The following SLIT3 variants were observed in gnomAD, a reference collection of about 807,000 sequenced individuals.
SLIT3 encodes the protein slit guidance ligand 3, also known as slit homolog 3 protein.
A neutral mutation model predicts 184.0 loss-of-function variants in SLIT3; 68 were observed. The ratio of observed to expected loss-of-function variants is 0.37; its 90% CI spans 0.30 to 0.45. The LOEUF (loss-of-function observed/expected upper bound fraction) is 0.45, where lower values mean the gene tolerates loss of function less well. Ranked by LOEUF, SLIT3 falls within the 20% of genes least tolerant of loss-of-function variation. SLIT3 has a pLI of 1.00. For synonymous variants in SLIT3, 831 were observed against 828.6 expected (o/e 1.00, Z -0.05); for missense variants, 1,707 against 2,026.0 (o/e 0.84, Z 3.02).
chr5:168,703,677 G>C (rs1249530073), intron 26 of SLIT3, among the ~76,000 whole-genome samples: 1 of 152,008 alleles, frequency 6.6e-6, no homozygotes, highest in South Asian at 2.1e-4. Context: ...CTGGGGGCTG[G>C]GCGCAGTGCC....
intron 14 of SLIT3, among the ~76,000 whole-genome samples, chr5:168,762,958 T>A (rs111686624): frequency 3.3e-5 from 5 of 152,220 alleles, no homozygotes; most frequent in African/African-American, 1.2e-4. Flanking sequence ...CTTATGCTTT[T>A]GGGGGTCACA....
chr5:169,197,828 T>G (rs1763786855), intron 3 of SLIT3, among the ~76,000 whole-genome samples: 2 of 152,056 alleles, frequency 1.3e-5, no homozygotes, highest in African/African-American at 4.8e-5. Flanking sequence ...AAAAACCAAC[T>G]GGCTGCTGAG....
chr5:168,675,077 G>T (rs1198022129), intron 32 of SLIT3, among the ~76,000 whole-genome samples: 1 of 152,180 alleles, frequency 6.6e-6, no homozygotes, highest in Non-Finnish European at 1.5e-5. Context: ...TCTTTCCAGC[G>T]CTCCACCCTC....
At chr5:168,947,107 A>G (rs1762505554) in intron 4 of SLIT3, among the ~76,000 whole-genome samples, 1 of 152,178 alleles carries the variant, frequency 6.6e-6, no homozygotes, top group Non-Finnish European at 1.5e-5. Context: ...TGGAAGTAAG[A>G]AACATACACT....
At chr5:168,739,731 C>A (rs533014248) in intron 20 of SLIT3, among the ~76,000 whole-genome samples, 15 of 152,198 alleles carry the variant, frequency 9.9e-5, no homozygotes, top group Non-Finnish European at 1.5e-4. Flanking sequence ...CAGGCGTGAG[C>A]CACCGCACCC....
Position 168,666,227 on chromosome 5 carries a change from C to T in SLIT3, c.*227G>A, listed in dbSNP as rs1040980717. Reference sequence around the variant, plus strand: ...AATAACTCACTATATGGTACATATACGCAGATGGTGTAATATATTTATATA... The same window carrying T: ...AATAACTCACTATATGGTACATATATGCAGATGGTGTAATATATTTATATA... On this transcript the variant is annotated 3_prime_UTR_variant, in exon 36 of 36. Coordinates refer to ENST00000519560, the MANE Select transcript of SLIT3 (RefSeq NM_003062.4). The T allele has an allele frequency of 7.7e-5, 32 of 413,302 alleles. No individual in the cohort carries two copies. Among genetic ancestry groups the T allele is most frequent in the African/African-American group, 4.0e-4 (20 of 49,448 alleles). The allele number at this position is 413,302 out of a possible 1,614,324, so 25.6% of individuals were successfully genotyped here.
rs1218700778 is a variant in SLIT3 at position 168,824,271 on chromosome 5, C to T, written c.558-940G>A. On this transcript the variant is annotated intron_variant, in intron 6 of 35. Transcript: ENST00000519560. ...ATCTAATCTCAAACAAGTCTGTGAGCTCTGCGCATCTCTTCTTTCCGGTGC... is the reference window on the plus strand; with the variant it reads ...ATCTAATCTCAAACAAGTCTGTGAGTTCTGCGCATCTCTTCTTTCCGGTGC... Among the ~76,000 whole-genome samples the T allele has an allele frequency of 2.0e-5, 3 of 152,324 alleles. No individual in the cohort carries two copies. The East Asian group carries it at 5.8e-4, about 29-fold the overall frequency.
At chr5:169,193,176 A>T (rs1421140209) in intron 4 of SLIT3, among the ~76,000 whole-genome samples, 2 of 152,156 alleles carry the variant, frequency 1.3e-5, no homozygotes, top group African/African-American at 4.8e-5. Context: ...AATTTACCTG[A>T]AGTAAGTTCA....
intron 5 of SLIT3, among the ~76,000 whole-genome samples, chr5:168,874,632 C>G (rs1759663848): frequency 6.6e-6 from 1 of 152,156 alleles, no homozygotes; most frequent in African/African-American, 2.4e-5. Context: ...GTCATCTTGG[C>G]CTAGAAGAAA....
At chr5:168,768,011 C>CA (rs1349064564) in intron 14 of SLIT3, 2 of 336,462 alleles carry the variant, frequency 5.9e-6, no homozygotes, top group Non-Finnish European at 1.2e-5. Context: ...TCTGTATCTG[C>CA]ATCCTTTGAG....
In SLIT3 at chr5:168,696,406, C is replaced by G; in HGVS notation, c.2968G>C (p.Gly990Arg). ...TCTGGGTTGATCTCACACCGCTGCC[C>G]CTCAAAGCCCAGAGGGCAGGAGCAG... The part of the protein sequence containing the change: ...FSCSCPLGFE[G>R]QRCEINPDDC... The change falls in exon 28 of 36, where the codon GGG becomes CGG. Residue 990 changes from glycine (G) to arginine (R), a missense_variant. By Grantham distance (125) the Gly-to-Arg change is moderately radical. This residue lies in a region of SLIT3 where 1,307 missense variants were observed against 1,511.6 expected (regional missense o/e 0.86). Coordinates refer to ENST00000519560, the MANE Select transcript of SLIT3 (RefSeq NM_003062.4). 6.2e-7 allele frequency: 1 copy of G among 1,614,104 alleles called. No homozygotes were observed. Among genetic ancestry groups the G allele is most frequent in the East Asian group, 2.2e-5 (1 of 44,866 alleles).
intron 4 of SLIT3, among the ~76,000 whole-genome samples, chr5:168,894,820 G>C (rs1760606539): frequency 6.6e-6 from 1 of 152,180 alleles, no homozygotes; most frequent in African/African-American, 2.4e-5. Flanking sequence ...CCTCCTTTCT[G>C]AATTCTGGCA....
chr5:168,898,552 T>C (rs1273047446), intron 4 of SLIT3, among the ~76,000 whole-genome samples: 6 of 152,188 alleles, frequency 3.9e-5, no homozygotes, highest in Admixed American at 2.0e-4. Context: ...TACCAATGAA[T>C]ATGTTTTATA....
chr5:169,029,090 A>C (rs182802525), intron 4 of SLIT3, among the ~76,000 whole-genome samples: 8 of 152,274 alleles, frequency 5.3e-5, no homozygotes, highest in African/African-American at 1.4e-4. Flanking sequence ...CAGGAAGAAA[A>C]CACCCCAGTT....
intron 4 of SLIT3, among the ~76,000 whole-genome samples, chr5:169,156,473 T>C (rs1762309322): frequency 6.6e-6 from 1 of 152,242 alleles, no homozygotes; most frequent in South Asian, 2.1e-4. Flanking sequence ...GAAGCCTGGT[T>C]CTAGGATCTG....
chr5:169,041,449 T>C (rs368580689), intron 4 of SLIT3, among the ~76,000 whole-genome samples: 1 of 122,586 alleles, frequency 8.2e-6, no homozygotes, highest in South Asian at 2.4e-4. Context: ...ATCATGGATT[T>C]GATTTGAGAG....
chr5:169,247,314 G>A (rs796416545), intron 2 of SLIT3, among the ~76,000 whole-genome samples: 3 of 152,048 alleles, frequency 2.0e-5, no homozygotes, highest in East Asian at 1.9e-4. Flanking sequence ...ACACTAGCAC[G>A]TCACGCTAAA....
intron 4 of SLIT3, among the ~76,000 whole-genome samples, chr5:169,027,838 T>C (rs983798529): frequency 6.6e-6 from 1 of 152,182 alleles, no homozygotes; most frequent in Non-Finnish European, 1.5e-5. Context: ...CCCTGAAGCA[T>C]TAGTGGTTCA....
chr5:169,264,444 C>T (rs1382297545), intron 1 of SLIT3, among the ~76,000 whole-genome samples: 1 of 152,178 alleles, frequency 6.6e-6, no homozygotes, highest in Admixed American at 6.5e-5. Flanking sequence ...TCTCAAAGTG[C>T]TGGAATTACA....
Sources: gnomAD v4.1 joint callset for allele counts (sites outside exome capture counted in the v4.1 genomes callset) on GRCh38, gnomAD v4.1.1 for gene constraint, gnomAD v4.1.1 regional missense constraint, MANE v1.5 for transcripts, NCBI Gene and HGNC (gene_info 2026-07-23, HGNC 2026-07-21) for gene names.